The following RXRG variants were observed in gnomAD, a reference collection of about 807,000 sequenced individuals.
RXRG encodes the protein retinoid X receptor gamma.
Under a neutral mutation model 49.2 loss-of-function variants are expected in RXRG, and 19 were observed. The observed-to-expected ratio is 0.39, with a 90% CI of 0.27 to 0.57. The LOEUF is 0.57. RXRG is among the 20% of genes least tolerant of loss of function. RXRG has a pLI of 0.64. For missense variants in RXRG, 452 were observed against 592.5 expected, an observed-to-expected ratio of 0.76 and a Z score of 2.46; for synonymous variants, 224 against 216.6, an observed-to-expected ratio of 1.03 and a Z score of -0.30.
At position 165,417,192 on chromosome 1, in the gene RXRG, T is replaced by C. The variant is rs1167072692; in HGVS notation, c.471A>G (p.Glu157=). ...TCCTCTTGAAGAACCCTTTGCAGCC[T>C]TCACAACTGTATACCCCGTAGTGCT... ...SGKHYGVYSC[E]GCKGFFKRTI... Residue 157 remains glutamate (E), a synonymous_variant, in exon 4 of 10, where the codon GAA becomes GAG. Coordinates refer to ENST00000359842, the MANE Select transcript of RXRG (RefSeq NM_006917.5). The C allele has an allele frequency of 2.5e-6, 4 of 1,614,026 alleles. 1 individual carries two copies. The South Asian group carries it at 4.4e-5, about 18-fold the overall frequency.
At chr1:165,441,689 G>A (rs1659008810) in intron 1 of RXRG, among the ~76,000 whole-genome samples, 1 of 152,144 alleles carries the variant, frequency 6.6e-6, no homozygotes, top group Admixed American at 6.5e-5. Context: ...CTCTCTCCCT[G>A]ATCTCCTTCT....
chr1:165,410,513 A>G (rs926844670), intron 6 of RXRG, among the ~76,000 whole-genome samples, 189 bp downstream of exon 6: 45 of 152,358 alleles, frequency 3.0e-4, no homozygotes, highest in African/African-American at 1.1e-3. Flanking sequence ...TAAAATTTGC[A>G]TGGGAAAAGA....
chr1:165,410,569 C>A, intron 6 of RXRG, 133 bp downstream of exon 6: 1 of 997,190 alleles, frequency 1.0e-6, no homozygotes, highest in South Asian at 1.8e-5. Flanking sequence ...ATGAACAACC[C>A]CGCACAGGGT....
At chr1:165,434,200 CA>C (rs1457697407) in intron 1 of RXRG, among the ~76,000 whole-genome samples, 1 of 151,804 alleles carries the variant, frequency 6.6e-6, no homozygotes, top group Admixed American at 6.6e-5. Flanking sequence ...AGTTTATCAA[CA>C]GAAATTATTT....
chr1:165,420,597 T>C (rs1658283012), intron 2 of RXRG, among the ~76,000 whole-genome samples: 2 of 152,188 alleles, frequency 1.3e-5, no homozygotes, highest in Admixed American at 1.3e-4. Context: ...AGGACATGTG[T>C]AATGGTCATC....
At chr1:165,444,008 T>C (rs751360822) in intron 1 of RXRG, among the ~76,000 whole-genome samples, 5 of 152,210 alleles carry the variant, frequency 3.3e-5, no homozygotes, top group Admixed American at 6.5e-5. Context: ...TGGGCGGCTG[T>C]ACTGTTTCTG....
rs1128977 is a variant in RXRG at position 165,419,892 on chromosome 1, G to A, written c.420C>T (p.Ala140=). The A allele has an allele frequency of 0.36, 578,134 of 1,608,642 alleles. 109,519 individuals are homozygous for A. The highest frequency in any genetic ancestry group is 0.39 in the Non-Finnish European group (453,236 of 1,176,868). Residue 140 remains alanine, a synonymous_variant, in exon 3 of 10, where the codon GCC becomes GCT. Transcript: ENST00000359842. ...TACCTGAGGATCTGTCTCCACAGAT[G>A]GCACAGATGTGTTTAACCAGAGATC... ...SPGSLVKHIC[A]ICGDRSSGKH... is the part of the protein sequence containing the mutation.
intron 2 of RXRG, among the ~76,000 whole-genome samples, chr1:165,425,787 C>T (rs1056639670): frequency 5.9e-5 from 9 of 152,346 alleles, no homozygotes; most frequent in African/African-American, 1.7e-4. Flanking sequence ...CAGGTCTGCT[C>T]CTGCGTCTAT....
chr1:165,429,770 C>G (rs1209938299), intron 1 of RXRG, among the ~76,000 whole-genome samples: 1 of 152,082 alleles, frequency 6.6e-6, no homozygotes, highest in East Asian at 1.9e-4. Flanking sequence ...ATGCTGCAGC[C>G]AAAAGTGTCT....
chr1:165,435,634 A>C (rs1374734374), intron 1 of RXRG, among the ~76,000 whole-genome samples: 1 of 152,258 alleles, frequency 6.6e-6, no homozygotes, highest in African/African-American at 2.4e-5. Flanking sequence ...TTCACAACTT[A>C]CTTATGGATC....
intron 1 of RXRG, among the ~76,000 whole-genome samples, chr1:165,431,738 A>G (rs924496070): frequency 6.6e-6 from 1 of 152,188 alleles, no homozygotes; most frequent in Admixed American, 6.5e-5. Flanking sequence ...GGCAAGAGCA[A>G]GAGTTTGCTT....
At chr1:165,440,880 G>A (rs1399151123) in intron 1 of RXRG, among the ~76,000 whole-genome samples, 1 of 152,188 alleles carries the variant, frequency 6.6e-6, no homozygotes, top group Non-Finnish European at 1.5e-5. Context: ...TTGCTATTCA[G>A]CTCTCTATCT....
intron 1 of RXRG, among the ~76,000 whole-genome samples, chr1:165,441,758 TTCTAAGAGGCAGCAACTG>T (rs1330706841): frequency 2.0e-5 from 3 of 152,208 alleles, no homozygotes; most frequent in Non-Finnish European, 2.9e-5. Flanking sequence ...TTTTGCCATC[TTCTAAGAGGCAGCAACTG>T]TCTCATCCCA....
Position 165,406,643 on chromosome 1 carries a change from T to G in RXRG, c.1244+169A>C, listed in dbSNP as rs566227371. Among the ~76,000 whole-genome samples, 4 of 152,344 alleles carry G rather than the reference T, an allele frequency of 2.6e-5. No individual in the cohort carries two copies. The East Asian group carries it at 5.8e-4, about 22-fold the overall frequency. On this transcript the variant is annotated intron_variant, in intron 9 of 9. Coordinates refer to ENST00000359842, the MANE Select transcript of RXRG (RefSeq NM_006917.5). ...AGGAGTGAATGGTGAGCAAGACAGA[T>G]AAGGCCGCTAGCCCAATGGAATTAA...
At chr1:165,407,861 A>T (rs1391331843) in intron 8 of RXRG, among the ~76,000 whole-genome samples, 1 of 152,176 alleles carries the variant, frequency 6.6e-6, no homozygotes, top group Non-Finnish European at 1.5e-5. Flanking sequence ...CTTAAAAAAA[A>T]AAAAACCCAG....
chr1:165,402,886 A>G (rs1392956307), intron 9 of RXRG, among the ~76,000 whole-genome samples: 1 of 151,794 alleles, frequency 6.6e-6, no homozygotes, highest in Non-Finnish European at 1.5e-5. Context: ...ATGTGCACAC[A>G]CTCATTCTCA....
chr1:165,428,554 G>A (rs1658564629), intron 2 of RXRG, among the ~76,000 whole-genome samples, 165 bp downstream of exon 2: 1 of 152,354 alleles, frequency 6.6e-6, no homozygotes, highest in African/African-American at 2.4e-5. Context: ...TCAGCCTGAG[G>A]ACACATGCAA....
At chr1:165,416,909 T>G in intron 4 of RXRG, 132 bp downstream of exon 4, 1 of 851,226 alleles carries the variant, frequency 1.2e-6, no homozygotes, top group Non-Finnish European at 1.8e-6. Context: ...TAGAGCCCTG[T>G]GGGAAAGAAA....
chr1:165,411,957 G>T (rs1241300634), intron 4 of RXRG, among the ~76,000 whole-genome samples: 3 of 152,136 alleles, frequency 2.0e-5, no homozygotes, highest in Non-Finnish European at 4.4e-5. Flanking sequence ...GCAATAAACA[G>T]AATTCAATAT....
Sources: gnomAD v4.1 joint callset for allele counts (sites outside exome capture counted in the v4.1 genomes callset) on GRCh38, gnomAD v4.1.1 for gene constraint, MANE v1.5 for transcripts, NCBI Gene and HGNC (gene_info 2026-07-23, HGNC 2026-07-21) for gene names.